LRRTM4: variants seen among roughly 807,000 people sequenced by gnomAD.
LRRTM4 encodes the protein leucine-rich repeat transmembrane neuronal protein 4.
A neutral mutation model predicts 47.6 loss-of-function variants in LRRTM4; 25 were observed. The observed-to-expected ratio is 0.53, with a 90% CI of 0.38 to 0.73. The LOEUF is 0.73. Ranked by LOEUF, LRRTM4 falls within the 30% of genes least tolerant of loss-of-function variation. The pLI is 0.00. For synonymous variants in LRRTM4, 311 were observed against 269.5 expected, an observed-to-expected ratio of 1.15 and a Z score of -1.51; for missense variants, 638 against 713.4, an observed-to-expected ratio of 0.89 and a Z score of 1.20.
intron 3 of LRRTM4, among the ~76,000 whole-genome samples, chr2:77,221,609 A>G (rs1674634161): frequency 6.6e-6 from 1 of 152,110 alleles, no homozygotes; most frequent in Non-Finnish European, 1.5e-5. Context: ...GAGACAAAGA[A>G]GGCCATTACA....
At chr2:77,170,440 C>T (rs1673013726) in intron 3 of LRRTM4, among the ~76,000 whole-genome samples, 1 of 152,090 alleles carries the variant, frequency 6.6e-6, no homozygotes, top group South Asian at 2.1e-4. Flanking sequence ...ATAGATTTTC[C>T]CATAGAGTCC....
intron 3 of LRRTM4, among the ~76,000 whole-genome samples, chr2:77,085,358 A>G (rs1047726266): frequency 4.7e-5 from 7 of 148,508 alleles, no homozygotes; most frequent in Middle Eastern, 3.3e-3. Flanking sequence ...AAGAAAATAC[A>G]TTCAACTGGC....
intron 3 of LRRTM4, among the ~76,000 whole-genome samples, chr2:77,046,223 C>T (rs1438424379): frequency 1.3e-5 from 2 of 151,968 alleles, no homozygotes; most frequent in African/African-American, 4.8e-5. Flanking sequence ...AGAACCAGCT[C>T]TAGATGCCTA....
At chr2:77,330,969 A>G (rs1670951367) in intron 3 of LRRTM4, among the ~76,000 whole-genome samples, 1 of 152,158 alleles carries the variant, frequency 6.6e-6, no homozygotes, top group Admixed American at 6.5e-5. Context: ...GATGACTCAA[A>G]TTAAGATTTA....
intron 3 of LRRTM4, among the ~76,000 whole-genome samples, chr2:77,315,631 C>A (rs1039889488): frequency 7.9e-5 from 12 of 152,150 alleles, no homozygotes; most frequent in African/African-American, 2.9e-4. Flanking sequence ...TAGACCCTAA[C>A]CTTCCTTTCC....
At chr2:76,970,375 T>G (rs1676176588) in intron 3 of LRRTM4, among the ~76,000 whole-genome samples, 1 of 152,006 alleles carries the variant, frequency 6.6e-6, no homozygotes, top group African/African-American at 2.4e-5. Flanking sequence ...CTAATAGTAC[T>G]GTGAATAGTG....
chr2:76,913,005 G>A (rs1348648628), intron 3 of LRRTM4, among the ~76,000 whole-genome samples: 1 of 152,156 alleles, frequency 6.6e-6, no homozygotes, highest in Non-Finnish European at 1.5e-5. Context: ...AGTAGGGTGA[G>A]AACGGACTGA....
At chr2:77,293,038 A>G (rs1267354879) in intron 3 of LRRTM4, among the ~76,000 whole-genome samples, 1 of 152,018 alleles carries the variant, frequency 6.6e-6, no homozygotes, top group Non-Finnish European at 1.5e-5. Context: ...TTTCAGTTTG[A>G]CATAAAATCA....
chr2:77,116,700 G>T (rs1232010748), intron 3 of LRRTM4, among the ~76,000 whole-genome samples: 1 of 151,888 alleles, frequency 6.6e-6, no homozygotes, highest in African/African-American at 2.4e-5. Flanking sequence ...CATATTGTAA[G>T]GACTCTTACT....
At chr2:77,474,454 C>A (rs921186946) in intron 3 of LRRTM4, among the ~76,000 whole-genome samples, 1 of 151,730 alleles carries the variant, frequency 6.6e-6, no homozygotes, top group East Asian at 1.9e-4. Flanking sequence ...GCCACAGAAA[C>A]CTATTTCAGT....
intron 3 of LRRTM4, among the ~76,000 whole-genome samples, chr2:76,790,238 C>T: frequency 6.6e-6 from 1 of 152,250 alleles, no homozygotes; most frequent in South Asian, 2.1e-4. Context: ...AATAATGAGA[C>T]AGTCATTGGT....
At chr2:77,306,963 G>C (rs1186062031) in intron 3 of LRRTM4, among the ~76,000 whole-genome samples, 1 of 139,844 alleles carries the variant, frequency 7.2e-6, no homozygotes, top group African/African-American at 2.9e-5. Flanking sequence ...GCAGTGGCGC[G>C]ATCTCGGCTC....
chr2:76,976,712 G>C (rs1240075257), intron 3 of LRRTM4, among the ~76,000 whole-genome samples: 10 of 151,790 alleles, frequency 6.6e-5, no homozygotes, highest in Admixed American at 6.6e-4. Context: ...CGTGGAAAAA[G>C]GTTGGTTAAT....
intron 3 of LRRTM4, among the ~76,000 whole-genome samples, chr2:76,837,582 C>G (rs754067930): frequency 2.0e-5 from 3 of 152,128 alleles, no homozygotes; most frequent in Non-Finnish European, 2.9e-5. Flanking sequence ...CATCCCATTA[C>G]TGGGTATATA....
chr2:76,835,935 G>C (rs1004897456), intron 3 of LRRTM4, among the ~76,000 whole-genome samples: 2 of 151,896 alleles, frequency 1.3e-5, no homozygotes, highest in Admixed American at 6.6e-5. Flanking sequence ...TAATATTATA[G>C]ATTAGCAACG....
intron 3 of LRRTM4, among the ~76,000 whole-genome samples, chr2:77,096,549 A>G (rs1669739547): frequency 6.6e-6 from 1 of 151,566 alleles, no homozygotes; most frequent in African/African-American, 2.4e-5. Flanking sequence ...TCGAGAATAA[A>G]AGACAAAATG....
At chr2:76,810,558 G>A (rs1479051571) in intron 3 of LRRTM4, among the ~76,000 whole-genome samples, 1 of 152,088 alleles carries the variant, frequency 6.6e-6, no homozygotes, top group Non-Finnish European at 1.5e-5. Context: ...GCATAGTGAG[G>A]TATTAATACA....
chr2:76,967,827 A>G (rs1436387655), intron 3 of LRRTM4, among the ~76,000 whole-genome samples: 1 of 151,004 alleles, frequency 6.6e-6, no homozygotes, highest in African/African-American at 2.4e-5. Flanking sequence ...TTTTTTTTAA[A>G]TCACAACTTG....
chr2:76,807,936 T>TC (rs777762254), intron 3 of LRRTM4, among the ~76,000 whole-genome samples: 54 of 141,100 alleles, frequency 3.8e-4, no homozygotes, highest in African/African-American at 1.5e-3. Context: ...TCCTTTCCTT[T>TC]CTTTCTTTCT....
Sources: allele counts gnomAD v4.1 joint callset (sites outside exome capture counted in the v4.1 genomes callset), GRCh38; gene constraint gnomAD v4.1.1; transcripts MANE v1.5; gene names NCBI Gene and HGNC (gene_info 2026-07-23, HGNC 2026-07-21).